The following TUSC3 variants were observed in gnomAD, a reference collection of about 807,000 sequenced individuals.
TUSC3 encodes the protein tumor suppressor candidate 3.
In TUSC3, 45 loss-of-function variants were observed where a neutral mutation model predicts 44.8. The ratio of observed to expected loss-of-function variants is 1.00; its 90% CI spans 0.79 to 1.29. The LOEUF (loss-of-function observed/expected upper bound fraction) is 1.29. Among genes scored for constraint, TUSC3 ranks in the 50% most tolerant of loss-of-function variants. The pLI is 0.00. For missense variants in TUSC3, 519 were observed against 437.9 expected (o/e 1.19, Z -1.65); for synonymous variants, 212 against 152.9 (o/e 1.39, Z -2.85).
At chr8:15,617,944 A>T (rs73524593) in intron 1 of TUSC3, among the ~76,000 whole-genome samples, 5,421 of 152,316 alleles carry the variant, frequency 0.036, 139 homozygotes, top group African/African-American at 0.075. Context: ...TATAGCTCCT[A>T]GGGTACAAAG....
intron 1 of TUSC3, among the ~76,000 whole-genome samples, chr8:15,468,347 C>T (rs1800441299): frequency 6.6e-6 from 1 of 152,164 alleles, no homozygotes; most frequent in African/African-American, 2.4e-5. Context: ...TTCACTACTC[C>T]AGTCCTCTTT....
chr8:15,475,920 A>G (rs1329039458), intron 1 of TUSC3, among the ~76,000 whole-genome samples: 1 of 152,150 alleles, frequency 6.6e-6, no homozygotes, highest in Non-Finnish European at 1.5e-5. Context: ...AACAAGAATA[A>G]CTCAGTATGA....
chr8:15,560,398 T>C (rs1040297546), intron 1 of TUSC3, among the ~76,000 whole-genome samples: 11 of 143,474 alleles, frequency 7.7e-5, no homozygotes, highest in Non-Finnish European at 1.4e-4. Flanking sequence ...GGCTTCCCTT[T>C]GAGGGTAACC....
chr8:15,827,998 T>TC, the TUSC3 span, among the ~76,000 whole-genome samples: 1 of 150,004 alleles, frequency 6.7e-6, no homozygotes, highest in African/African-American at 2.4e-5. Context: ...TGGTATCTTT[T>TC]TTTTTTTTTT....
intron 1 of TUSC3, among the ~76,000 whole-genome samples, chr8:15,471,689 C>G (rs1453256256): frequency 1.3e-5 from 2 of 151,172 alleles, no homozygotes; most frequent in Non-Finnish European, 2.9e-5. Flanking sequence ...GTGATCTCAG[C>G]TCACTGCAAC....
At chr8:15,572,947 A>C (rs1802932425) in intron 1 of TUSC3, among the ~76,000 whole-genome samples, 1 of 152,034 alleles carries the variant, frequency 6.6e-6, no homozygotes. Context: ...AATAATAATA[A>C]TGAAGAAGTT....
rs541998551 is a variant in TUSC3, at chr8:15,724,815, G to T, written c.799-5851G>T. On this transcript the variant is annotated intron_variant, in intron 6 of 10. Coordinates refer to ENST00000503731, the MANE Select transcript of TUSC3 (RefSeq NM_006765.4). ...AAAAGTTTGCATGTCATTTCATACT[G>T]ATTTGCATAAAACTGCATGACAAAA... 3.5e-4 allele frequency among the ~76,000 whole-genome samples: 53 copies of T among 152,258 alleles called. 2 individuals carry two copies. The South Asian group carries it at 0.011, about 31-fold the overall frequency.
chr8:15,480,478 A>C (rs1178269520), intron 1 of TUSC3, among the ~76,000 whole-genome samples: 4 of 152,246 alleles, frequency 2.6e-5, no homozygotes, highest in Non-Finnish European at 5.9e-5. Flanking sequence ...CAGAAGTCCT[A>C]CATCAAGTAC....
chr8:15,421,589 A>G (rs1258142054), intron 1 of TUSC3, among the ~76,000 whole-genome samples: 1 of 152,068 alleles, frequency 6.6e-6, no homozygotes, highest in African/African-American at 2.4e-5. Context: ...GTTATTTGTT[A>G]TTGTCTCTAT....
At chr8:15,436,978 G>C (rs1799955783) in intron 1 of TUSC3, among the ~76,000 whole-genome samples, 1 of 152,072 alleles carries the variant, frequency 6.6e-6, no homozygotes, top group Admixed American at 6.6e-5. Flanking sequence ...TCTCACAATA[G>C]TACACAACTG....
rs1240464300 is a variant in TUSC3, at chr8:15,749,903, C to G, written c.1028+1438C>G. ...CACTTGAAAATTAATCCATTTTCAT[C>G]TATAGCACTTATAGTTTCAAAGGAA... On this transcript the variant is annotated intron_variant, in intron 9 of 10. Coordinates refer to ENST00000503731, the MANE Select transcript of TUSC3 (RefSeq NM_006765.4). Among the ~76,000 whole-genome samples the G allele has an allele frequency of 2.7e-5, 4 of 146,142 alleles. No individual in the cohort carries two copies. In the East Asian group the frequency reaches 8.0e-4, roughly 29 times the overall value.
chr8:15,473,508 G>A (rs567480329), intron 1 of TUSC3, among the ~76,000 whole-genome samples: 1 of 152,264 alleles, frequency 6.6e-6, no homozygotes, highest in African/African-American at 2.4e-5. Context: ...AAGTATTGGG[G>A]GAACCCACCC....
chr8:15,575,535 G>T (rs1348330463), intron 1 of TUSC3, among the ~76,000 whole-genome samples: 1 of 152,156 alleles, frequency 6.6e-6, no homozygotes, highest in Non-Finnish European at 1.5e-5. Context: ...GGAGGCCGAG[G>T]TTAGGCAGAT....
chr8:15,754,523 T>G (rs1811841384), intron 9 of TUSC3, among the ~76,000 whole-genome samples: 1 of 152,134 alleles, frequency 6.6e-6, no homozygotes, highest in Non-Finnish European at 1.5e-5. Context: ...GTACTTGGGA[T>G]AAGACACTTA....
chr8:15,477,486 G>A (rs1222360367), intron 1 of TUSC3, among the ~76,000 whole-genome samples: 1 of 152,128 alleles, frequency 6.6e-6, no homozygotes, highest in Non-Finnish European at 1.5e-5. Flanking sequence ...ACTTTGGGAG[G>A]CTGAGGCAGG....
At chr8:15,476,536 C>G (rs951126841) in intron 1 of TUSC3, among the ~76,000 whole-genome samples, 2 of 152,122 alleles carry the variant, frequency 1.3e-5, no homozygotes, top group South Asian at 4.1e-4. Flanking sequence ...GGAATTTATT[C>G]TACATCGTGC....
chr8:15,763,309 T>G (rs1001434164), intron 10 of TUSC3, among the ~76,000 whole-genome samples: 3 of 151,816 alleles, frequency 2.0e-5, no homozygotes, highest in Admixed American at 1.3e-4. Flanking sequence ...CGAAACAATT[T>G]ATGCCTAGGA....
chr8:15,826,824 T>C, the TUSC3 span, among the ~76,000 whole-genome samples: 4 of 152,128 alleles, frequency 2.6e-5, no homozygotes, highest in Non-Finnish European at 5.9e-5. Context: ...AAGCCGGAGA[T>C]GGCAACTAGG....
chr8:15,699,094 A>G (rs1230015714), intron 6 of TUSC3, among the ~76,000 whole-genome samples: 2 of 152,134 alleles, frequency 1.3e-5, no homozygotes, highest in Admixed American at 6.6e-5. Context: ...GTGATACTCC[A>G]GCACTGGCCT....
Sources: gnomAD v4.1 joint callset for allele counts (sites outside exome capture counted in the v4.1 genomes callset) on GRCh38, gnomAD v4.1.1 for gene constraint, MANE v1.5 for transcripts, NCBI Gene and HGNC (gene_info 2026-07-23, HGNC 2026-07-21) for gene names.